Variants in MCEMP1 observed in about 807,000 individuals in gnomAD.
MCEMP1 encodes mast cell-expressed membrane protein 1.
MCEMP1 carries 17 observed loss-of-function variants against 27.9 expected under a neutral mutation model. The observed-to-expected ratio is 0.61, with a 90% CI of 0.42 to 0.91. The LOEUF (loss-of-function observed/expected upper bound fraction) is 0.91. Ranked by LOEUF, MCEMP1 falls within the 40% of genes least tolerant of loss-of-function variation. MCEMP1 has a pLI of 0.00. For synonymous variants in MCEMP1, 88 were observed against 76.9 expected, an observed-to-expected ratio of 1.14 and a Z score of -0.76; for missense variants, 200 against 204.8, an observed-to-expected ratio of 0.98 and a Z score of 0.14.
chr19:7,677,529 T>A lies in MCEMP1; in HGVS notation c.56-108T>A. 4 of 1,148,792 alleles carry A rather than the reference T, an allele frequency of 3.5e-6. No individual in the cohort carries two copies. In the South Asian group the frequency reaches 3.8e-5, roughly 11 times the overall value. 71.2% of individuals were successfully genotyped at this position (1,148,792 alleles called of 1,614,324 possible). On this transcript the variant is annotated intron_variant, in intron 1 of 6. Transcript: ENST00000333598. The surrounding 1 kb of genome is among the most constrained non-coding windows in gnomAD (Gnocchi z 4.6). ...AAGCAGATTTTAGCTTCTCACTCCT[T>A]ATCTTTCACCCCCTACAATTTATTG...
Position 7,679,080 on chromosome 19 carries a change from GTC to G in MCEMP1, c.509-13_509-12del. The stretch of plus-strand genomic sequence containing the variant: ...AGGGGCGGGATCTGCCTCACTGTGG[GTC>G]TCTCCCCATCCCCAGAGTCCTCACC... On this transcript the variant is annotated splice_polypyrimidine_tract_variant and intron_variant, in intron 6 of 6. Coordinates refer to ENST00000333598, the MANE Select transcript of MCEMP1 (RefSeq NM_174918.3). This position sits in a 1 kb window ranked among gnomAD's most constrained non-coding sequence, Gnocchi z 4.9. The G allele has an allele frequency of 6.2e-7, 1 of 1,607,800 alleles. No homozygotes were observed.
chr19:7,679,484 T>C lies in MCEMP1; in HGVS notation c.*370T>C, dbSNP rs2032598840. ...CATGTGACATATGTGAGTCTCGGCATGTCACGGTGGGTGGCTGTGTCTGAG... is the reference window on the plus strand; with the variant it reads ...CATGTGACATATGTGAGTCTCGGCACGTCACGGTGGGTGGCTGTGTCTGAG... On this transcript the variant is annotated 3_prime_UTR_variant, in exon 7 of 7. Coordinates refer to ENST00000333598, the MANE Select transcript of MCEMP1 (RefSeq NM_174918.3). This position sits in a 1 kb window ranked among gnomAD's most constrained non-coding sequence, Gnocchi z 4.9. 3.9e-6 allele frequency: 1 copy of C among 257,002 alleles called. No homozygotes were observed. The highest frequency in any genetic ancestry group is 7.4e-6 in the Non-Finnish European group (1 of 134,456). The allele number at this position is 257,002 out of a possible 1,614,324, so 15.9% of individuals were successfully genotyped here.
Position 7,677,879 on chromosome 19 carries a change from T to C in MCEMP1, c.145+153T>C. ...ACGTGCTAATGAGGTCTGTTGATGA[T>C]GACAATGTTGGGGAATGCTGGAGAG... On this transcript the variant is annotated intron_variant, in intron 2 of 6. Transcript: ENST00000333598. The surrounding 1 kb of genome is among the most constrained non-coding windows in gnomAD (Gnocchi z 4.6). The C allele has an allele frequency of 2.0e-6, 2 of 1,021,952 alleles. No homozygotes were observed. The highest frequency in any genetic ancestry group is 2.9e-6 in the Non-Finnish European group (2 of 686,972). 63.3% of individuals were successfully genotyped at this position (1,021,952 alleles called of 1,614,324 possible). A position where few individuals can be genotyped will look rare whatever the true frequency, so the allele number is the denominator to read the frequency against.
In MCEMP1 at chr19:7,678,598, T is replaced by C. The variant is rs780444468; in HGVS notation, c.442T>C (p.Leu148=). The change falls in exon 5 of 7, where the codon TTA becomes CTA. Residue 148 remains leucine, a synonymous_variant. Transcript: ENST00000333598. The surrounding 1 kb of genome is among the most constrained non-coding windows in gnomAD (Gnocchi z 4.8). ...CAAGATTGATAGATTAGAGACGACA[T>C]TAGCAGGTGCCTGTGTAGTCTCGCC... ...RSKIDRLETT[L]AGIKNIDTKV... 1.2e-6 allele frequency: 2 copies of C among 1,612,706 alleles called. No homozygotes were observed. The highest frequency in any genetic ancestry group is 1.7e-6 in the Non-Finnish European group (2 of 1,178,710).
Position 7,678,017 on chromosome 19 carries a change from G to T in MCEMP1, c.146-87G>T. 1 of 1,498,374 alleles carries T rather than the reference G, an allele frequency of 6.7e-7. No individual in the cohort carries two copies. The highest frequency in any genetic ancestry group is 8.9e-7 in the Non-Finnish European group (1 of 1,121,116). The allele number at this position is 1,498,374 out of a possible 1,614,324, so 92.8% of individuals were successfully genotyped here. On this transcript the variant is annotated intron_variant, in intron 2 of 6. Coordinates refer to ENST00000333598, the MANE Select transcript of MCEMP1 (RefSeq NM_174918.3). The surrounding 1 kb of genome is among the most constrained non-coding windows in gnomAD (Gnocchi z 4.8). ...AGCTGCTGATGGTTTTGAGAGGAGC[G>T]AGGTGTCCATGGTGTTAGAGACAGT...
Position 7,678,827 on chromosome 19 carries a change from G to A in MCEMP1, c.449-97G>A. On this transcript the variant is annotated intron_variant, in intron 5 of 6. Transcript: ENST00000333598. This position sits in a 1 kb window ranked among gnomAD's most constrained non-coding sequence, Gnocchi z 4.8. Reference sequence around the variant, plus strand: ...TCTGCTGTACCCCAGGGTGGGTGTGGGGCAGGGGGGGTGCTTCCAAGGAAG... The same window carrying A: ...TCTGCTGTACCCCAGGGTGGGTGTGAGGCAGGGGGGGTGCTTCCAAGGAAG... The A allele has an allele frequency of 3.8e-6, 5 of 1,307,946 alleles. No individual in the cohort carries two copies. Among genetic ancestry groups the A allele is most frequent in the East Asian group, 2.5e-5 (1 of 39,750 alleles). The allele number at this position is 1,307,946 out of a possible 1,614,324, so 81.0% of individuals were successfully genotyped here.
rs1269842930 is a variant in MCEMP1, at chr19:7,677,809, G to A, written c.145+83G>A. The A allele has an allele frequency of 2.4e-5, 32 of 1,322,828 alleles. No individual in the cohort carries two copies. Among genetic ancestry groups the A allele is most frequent in the Non-Finnish European group, 2.8e-5 (27 of 962,544 alleles). The allele number at this position is 1,322,828 out of a possible 1,614,324, so 81.9% of individuals were successfully genotyped here. On this transcript the variant is annotated intron_variant, in intron 2 of 6. Transcript: ENST00000333598. This position sits in a 1 kb window ranked among gnomAD's most constrained non-coding sequence, Gnocchi z 4.6. ...GCAACTGCAGGGCCCCCGGGGCTGC[G>A]TGGAAGGGAGGAAGCGATGGGGAAG... is the stretch of plus-strand genomic sequence containing the variant.
In MCEMP1 at chr19:7,679,073, A is replaced by T. The variant is rs1300809971; in HGVS notation, c.509-25A>T. On this transcript the variant is annotated intron_variant, in intron 6 of 6. Transcript: ENST00000333598. The surrounding 1 kb of genome is among the most constrained non-coding windows in gnomAD (Gnocchi z 4.9). ...CTCTCCCAGGGGCGGGATCTGCCTCACTGTGGGTCTCTCCCCATCCCCAGA... is the reference window on the plus strand; with the variant it reads ...CTCTCCCAGGGGCGGGATCTGCCTCTCTGTGGGTCTCTCCCCATCCCCAGA... 1 of 1,607,846 alleles carries T rather than the reference A, an allele frequency of 6.2e-7. No homozygotes were observed. Among genetic ancestry groups the T allele is most frequent in the Non-Finnish European group, 8.5e-7 (1 of 1,177,004 alleles).
chr19:7,678,411 G>T lies in MCEMP1; in HGVS notation c.334+11G>T, dbSNP rs186206778. 1 of 1,614,076 alleles carries T rather than the reference G, an allele frequency of 6.2e-7. No homozygotes were observed. The highest frequency in any genetic ancestry group is 8.5e-7 in the Non-Finnish European group (1 of 1,180,010). On this transcript the variant is annotated intron_variant, in intron 4 of 6. Coordinates refer to ENST00000333598, the MANE Select transcript of MCEMP1 (RefSeq NM_174918.3). This position sits in a 1 kb window ranked among gnomAD's most constrained non-coding sequence, Gnocchi z 4.8. ...GGGAGCTTTGGAATGGTGAGCGGAGGGTCTGAGGGAGACCCGTGGGGTCAT... is the reference window on the plus strand; with the variant it reads ...GGGAGCTTTGGAATGGTGAGCGGAGTGTCTGAGGGAGACCCGTGGGGTCAT...
Position 7,677,592 on chromosome 19 carries a change from C to G in MCEMP1, c.56-45C>G. ...TGGGTAAAACAAGATCCCGGATCCA[C>G]TCTCCACACCACAGAGCTCTGAGCA... On this transcript the variant is annotated intron_variant, in intron 1 of 6. Coordinates refer to ENST00000333598, the MANE Select transcript of MCEMP1 (RefSeq NM_174918.3). This position sits in a 1 kb window ranked among gnomAD's most constrained non-coding sequence, Gnocchi z 4.6. 3 of 1,537,432 alleles carry G rather than the reference C, an allele frequency of 2.0e-6. No individual in the cohort carries two copies. Among genetic ancestry groups the G allele is most frequent in the Non-Finnish European group, 2.7e-6 (3 of 1,110,188 alleles).
Position 7,677,956 on chromosome 19 carries a change from A to T in MCEMP1, c.146-148A>T, listed in dbSNP as rs1417867272. ...ATCGCTGAGGGTGGCTGGTGGTGGC[A>T]GTGTTGTTGACGATGATGACAAGCT... On this transcript the variant is annotated intron_variant, in intron 2 of 6. Transcript: ENST00000333598. This position sits in a 1 kb window ranked among gnomAD's most constrained non-coding sequence, Gnocchi z 4.6. 2.4e-6 allele frequency: 3 copies of T among 1,262,178 alleles called. No individual in the cohort carries two copies. The African/African-American group carries it at 4.5e-5, about 19-fold the overall frequency. 78.2% of individuals were successfully genotyped at this position (1,262,178 alleles called of 1,614,324 possible).
At position 7,677,181 on chromosome 19, in the gene MCEMP1, G is replaced by C. The variant is rs766845007; in HGVS notation, c.55+6G>C. The C allele has an allele frequency of 6.3e-7, 1 of 1,579,208 alleles. No homozygotes were observed. The highest frequency in any genetic ancestry group is 8.6e-7 in the Non-Finnish European group (1 of 1,161,848). ...GGTCTCAGCCAAGAATCAAGGTTAG[G>C]GAACTCGAGGTGGAAGGGAGGGGTT... On this transcript the variant is annotated splice_donor_region_variant and intron_variant, in intron 1 of 6. Transcript: ENST00000333598. The surrounding 1 kb of genome is among the most constrained non-coding windows in gnomAD (Gnocchi z 4.6).
rs1205080398 is a variant in MCEMP1, at chr19:7,678,701, C to T, written c.448+97C>T. On this transcript the variant is annotated intron_variant, in intron 5 of 6. Coordinates refer to ENST00000333598, the MANE Select transcript of MCEMP1 (RefSeq NM_174918.3). The surrounding 1 kb of genome is among the most constrained non-coding windows in gnomAD (Gnocchi z 4.8). ...ATTCAGGGGAGGAGAAAGCCGGGGT[C>T]CTACCCTCCCAAAGCTCAAGTTGTG... 7.8e-7 allele frequency: 1 copy of T among 1,288,374 alleles called. No homozygotes were observed. The highest frequency in any genetic ancestry group is 2.0e-5 in the Admixed American group (1 of 50,542). 79.8% of individuals were successfully genotyped at this position (1,288,374 alleles called of 1,614,324 possible).
rs1304567592 is a variant in MCEMP1 at position 7,677,735 on chromosome 19, A to G, written c.145+9A>G. The G allele has an allele frequency of 6.3e-7, 1 of 1,593,920 alleles. No homozygotes were observed. The highest frequency in any genetic ancestry group is 8.6e-7 in the Non-Finnish European group (1 of 1,168,260). On this transcript the variant is annotated intron_variant, in intron 2 of 6. Coordinates refer to ENST00000333598, the MANE Select transcript of MCEMP1 (RefSeq NM_174918.3). The surrounding 1 kb of genome is among the most constrained non-coding windows in gnomAD (Gnocchi z 4.6). Reference sequence around the variant, plus strand: ...ACGACCCACGAGCCAAGGTGAGCAGACACCCACCTGCTCACATCCCATCAC... The same window carrying G: ...ACGACCCACGAGCCAAGGTGAGCAGGCACCCACCTGCTCACATCCCATCAC...
At position 7,678,734 on chromosome 19, in the gene MCEMP1, G is replaced by A. The variant is rs1035319059; in HGVS notation, c.448+130G>A. The A allele has an allele frequency of 8.1e-6, 9 of 1,112,724 alleles. No homozygotes were observed. The highest frequency in any genetic ancestry group is 5.7e-5 in the South Asian group (4 of 69,694). The allele number at this position is 1,112,724 out of a possible 1,614,324, so 68.9% of individuals were successfully genotyped here. A position where few individuals can be genotyped will look rare whatever the true frequency, so the allele number is the denominator to read the frequency against. On this transcript the variant is annotated intron_variant, in intron 5 of 6. Coordinates refer to ENST00000333598, the MANE Select transcript of MCEMP1 (RefSeq NM_174918.3). The surrounding 1 kb of genome is among the most constrained non-coding windows in gnomAD (Gnocchi z 4.8). ...CCCAAAGCTCAAGTTGTGGAGGGGC[G>A]ATGGGTGTTACCATCTGGGTTGCTC...
In MCEMP1 at chr19:7,678,920, CT is replaced by C; in HGVS notation, c.449-3del. The C allele has an allele frequency of 6.4e-7, 1 of 1,561,102 alleles. No individual in the cohort carries two copies. The highest frequency in any genetic ancestry group is 8.7e-7 in the Non-Finnish European group (1 of 1,147,048). ...GTTCCCACCCAACCCTCCCCGCCCC[CT>C]AGGCATAAAAAACATTGACACAAAG... is the stretch of plus-strand genomic sequence containing the variant. On this transcript the variant is annotated splice_region_variant and splice_polypyrimidine_tract_variant and intron_variant, in intron 5 of 6. Transcript: ENST00000333598. This position sits in a 1 kb window ranked among gnomAD's most constrained non-coding sequence, Gnocchi z 4.8.
chr19:7,679,064 A>G lies in MCEMP1; in HGVS notation c.509-34A>G, dbSNP rs941590410. ...CCCCAGCTCCTCTCCCAGGGGCGGG[A>G]TCTGCCTCACTGTGGGTCTCTCCCC... On this transcript the variant is annotated intron_variant, in intron 6 of 6. Transcript: ENST00000333598. The surrounding 1 kb of genome is among the most constrained non-coding windows in gnomAD (Gnocchi z 4.9). 2.5e-5 allele frequency: 41 copies of G among 1,607,962 alleles called. No homozygotes were observed. Among genetic ancestry groups the G allele is most frequent in the Non-Finnish European group, 3.4e-5 (40 of 1,176,988 alleles).
rs868184113 is a variant in MCEMP1 at position 7,679,193 on chromosome 19, C to T, written c.*79C>T. ...TGCCAACGAAGACGGGAAATGACCC[C>T]CCCCCCCCAGCCTAGTGTGAACCTG... On this transcript the variant is annotated 3_prime_UTR_variant, in exon 7 of 7. Coordinates refer to ENST00000333598, the MANE Select transcript of MCEMP1 (RefSeq NM_174918.3). The surrounding 1 kb of genome is among the most constrained non-coding windows in gnomAD (Gnocchi z 4.9). The T allele has an allele frequency of 2.2e-5, 30 of 1,370,194 alleles. No homozygotes were observed. The highest frequency in any genetic ancestry group is 1.5e-4 in the East Asian group (6 of 39,528). The allele number at this position is 1,370,194 out of a possible 1,614,324, so 84.9% of individuals were successfully genotyped here.
Position 7,678,366 on chromosome 19 carries a change from G to A in MCEMP1, c.300G>A (p.Lys100=), listed in dbSNP as rs2032576226. 1.2e-6 allele frequency: 2 copies of A among 1,614,098 alleles called. No individual in the cohort carries two copies. Among genetic ancestry groups the A allele is most frequent in the East Asian group, 2.2e-5 (1 of 44,860 alleles). The part of the protein sequence containing the change: ...FIMVKNAEMS[K]ELLGFKRELW... ...CCTGAACAGATGCTGAGATGTCCAAGGAGCTGCTGGGCTTTAAAAGGGAGC... is the reference window on the plus strand; with the variant it reads ...CCTGAACAGATGCTGAGATGTCCAAAGAGCTGCTGGGCTTTAAAAGGGAGC... Residue 100 remains lysine, a synonymous_variant, in exon 4 of 7, where the codon AAG becomes AAA. Coordinates refer to ENST00000333598, the MANE Select transcript of MCEMP1 (RefSeq NM_174918.3). The surrounding 1 kb of genome is among the most constrained non-coding windows in gnomAD (Gnocchi z 4.8).
Sources: allele counts gnomAD v4.1 joint callset, GRCh38; gene constraint gnomAD v4.1.1; non-coding constraint Gnocchi (gnomAD v3.1); transcripts MANE v1.5; gene names NCBI Gene and HGNC (gene_info 2026-07-23, HGNC 2026-07-21).